The following CAST variants were observed in gnomAD, a reference collection of about 807,000 sequenced individuals.
CAST encodes the protein calpastatin, also known as MIR583 host.
Under a neutral mutation model 119.6 loss-of-function variants are expected in CAST, and 76 were observed. The observed-to-expected ratio is 0.64, with a 90% confidence interval of 0.53 to 0.77. The LOEUF (loss-of-function observed/expected upper bound fraction) is 0.77. Among genes scored for constraint, CAST ranks in the 30% least tolerant of loss-of-function variants. The pLI, the probability that CAST is intolerant of heterozygous loss-of-function variation, is 0.00. For synonymous variants in CAST, 319 were observed against 331.6 expected (o/e 0.96, Z 0.41); for missense variants, 953 against 946.5 (o/e 1.01, Z -0.09).
chr5:96,575,115 G>C (rs1046992000), intron 1 of CAST, among the ~76,000 whole-genome samples: 6 of 152,120 alleles, frequency 3.9e-5, no homozygotes, highest in African/African-American at 1.2e-4. Context: ...TCAAGATATA[G>C]ATCCTATAAA....
At chr5:96,420,954 C>T in the CAST span, among the ~76,000 whole-genome samples, 1 of 152,282 alleles carries the variant, frequency 6.6e-6, no homozygotes, top group East Asian at 1.9e-4. Flanking sequence ...GCAACAAGCC[C>T]TAATTTTGAC....
the CAST span, among the ~76,000 whole-genome samples, chr5:96,034,462 T>TACACACACAC: frequency 0.021 from 2,151 of 101,750 alleles, 69 homozygotes; most frequent in East Asian, 0.062. Flanking sequence ...GTATATATCA[T>TACACACACAC]ACACACACAC....
upstream of CAST, among the ~76,000 whole-genome samples, chr5:96,528,569 A>G (rs1033399120): frequency 1.3e-5 from 2 of 152,230 alleles, no homozygotes; most frequent in Admixed American, 1.3e-4. Context: ...GGGGGACAAG[A>G]ATAGATGCCC....
chr5:96,252,378 G>A, the CAST span, among the ~76,000 whole-genome samples: 1 of 151,856 alleles, frequency 6.6e-6, no homozygotes, highest in Admixed American at 6.6e-5. Context: ...TATATGCTTG[G>A]CACTGAGCTA....
Position 96,747,335 on chromosome 5 carries a change from T to C in CAST, c.1285-10T>C. 6.4e-7 allele frequency: 1 copy of C among 1,572,720 alleles called. No individual in the cohort carries two copies. The highest frequency in any genetic ancestry group is 8.7e-7 in the Non-Finnish European group (1 of 1,146,984). On this transcript the variant is annotated splice_polypyrimidine_tract_variant and intron_variant, in intron 17 of 31. Coordinates refer to ENST00000675179, the MANE Select transcript of CAST (RefSeq NM_001750.7). ...ATTTCATTTCCAATGAATTTTAATT[T>C]CATTTACAGGATAAAGATGGAAAAC... is the stretch of plus-strand genomic sequence containing the variant.
upstream of CAST, among the ~76,000 whole-genome samples, chr5:96,659,824 C>T (rs1748220706): frequency 6.6e-6 from 1 of 152,200 alleles, no homozygotes; most frequent in African/African-American, 2.4e-5. Context: ...GCCACCGCAC[C>T]ATCTATATTT....
the CAST span, among the ~76,000 whole-genome samples, chr5:96,368,054 CAT>C: frequency 3.9e-5 from 6 of 152,098 alleles, no homozygotes; most frequent in East Asian, 1.9e-4. Flanking sequence ...CCAACATTTT[CAT>C]AGTCTAATTA....
the CAST span, among the ~76,000 whole-genome samples, chr5:96,171,305 C>G: frequency 6.6e-6 from 1 of 152,024 alleles, no homozygotes; most frequent in Non-Finnish European, 1.5e-5. Context: ...GGTTTTAGGT[C>G]AGGTGTGAGT....
At chr5:96,486,323 C>T in the CAST span, among the ~76,000 whole-genome samples, 1 of 152,106 alleles carries the variant, frequency 6.6e-6, no homozygotes, top group East Asian at 1.9e-4. Flanking sequence ...CCTCATGCTT[C>T]TGAGGAAAAG....
chr5:96,046,261 A>G, the CAST span, among the ~76,000 whole-genome samples: 19 of 152,224 alleles, frequency 1.2e-4, no homozygotes, highest in Non-Finnish European at 2.6e-4. Context: ...TAATAAACAT[A>G]TTAGAGTGAG....
the CAST span, among the ~76,000 whole-genome samples, chr5:96,191,694 C>T: frequency 2.6e-5 from 4 of 152,150 alleles, no homozygotes; most frequent in African/African-American, 7.2e-5. Flanking sequence ...CTCAGTCTCC[C>T]GAGTAGCTGG....
At chr5:96,157,834 A>G in the CAST span, among the ~76,000 whole-genome samples, 1 of 152,358 alleles carries the variant, frequency 6.6e-6, no homozygotes, top group East Asian at 1.9e-4. Context: ...CTGTAAACAT[A>G]CCATAAGCTG....
chr5:96,222,865 T>C, the CAST span, among the ~76,000 whole-genome samples: 2 of 152,172 alleles, frequency 1.3e-5, no homozygotes, highest in Non-Finnish European at 2.9e-5. Context: ...TCAACCTAAG[T>C]GTCCATCAGT....
chr5:96,157,696 A>G, the CAST span, among the ~76,000 whole-genome samples: 16 of 152,216 alleles, frequency 1.1e-4, no homozygotes, highest in African/African-American at 3.9e-4. Flanking sequence ...TTAGCCAGCA[A>G]TTGGCCTTCT....
the CAST span, among the ~76,000 whole-genome samples, chr5:96,353,095 G>A: frequency 3.4e-4 from 52 of 151,146 alleles, 1 homozygote; most frequent in South Asian, 8.4e-3. Context: ...CCAGAAAGAG[G>A]CAAAAACTTA....
rs552280875 is a variant in CAST, at chr5:96,556,778, A to T, written c.60+26898A>T. Among the ~76,000 whole-genome samples, 5 of 152,338 alleles carry T rather than the reference A, an allele frequency of 3.3e-5. No individual in the cohort carries two copies. In the South Asian group the frequency reaches 1.0e-3, roughly 32 times the overall value. ...GGGGAGAATGGAACCAAGTTGGAAA[A>T]CACTCTGCAGGATATTATCCAGGAA... On this transcript the variant is annotated intron_variant, in intron 1 of 11. Transcript: ENST00000505143.
At chr5:96,009,170 C>T in the CAST span, among the ~76,000 whole-genome samples, 1 of 152,166 alleles carries the variant, frequency 6.6e-6, no homozygotes, top group South Asian at 2.1e-4. Context: ...GCGTAGTATT[C>T]CATGATATAT....
intron 1 of CAST, among the ~76,000 whole-genome samples, chr5:96,628,426 A>G (rs1747764108): frequency 6.6e-6 from 1 of 152,266 alleles, no homozygotes; most frequent in South Asian, 2.1e-4. Flanking sequence ...ATACATGACA[A>G]TAACCCTAAA....
the CAST span, among the ~76,000 whole-genome samples, chr5:96,307,214 T>G: frequency 6.6e-6 from 1 of 152,232 alleles, no homozygotes; most frequent in Non-Finnish European, 1.5e-5. Context: ...ATGCCCTTCT[T>G]TGTCTCTTTT....
Sources: allele counts gnomAD v4.1 joint callset (sites outside exome capture counted in the v4.1 genomes callset), GRCh38; gene constraint gnomAD v4.1.1; transcripts MANE v1.5; gene names NCBI Gene and HGNC (gene_info 2026-07-23, HGNC 2026-07-21).